Variants in ODF2L observed in about 807,000 individuals in gnomAD.
The protein encoded by ODF2L is outer dense fiber of sperm tails 2 like.
Under a neutral mutation model 86.3 loss-of-function variants are expected in ODF2L, and 76 were observed. The ratio of observed to expected loss-of-function variants is 0.88; its 90% CI spans 0.73 to 1.07. The LOEUF is 1.07. Among genes scored for constraint, ODF2L ranks in the 50% least tolerant of loss-of-function variants. ODF2L has a pLI of 0.00. For missense variants in ODF2L, 748 were observed against 717.4 expected, an observed-to-expected ratio of 1.04 and a Z score of -0.49; for synonymous variants, 241 against 231.3, an observed-to-expected ratio of 1.04 and a Z score of -0.38.
downstream of ODF2L, chr1:86,349,879 G>T (rs1658008592): frequency 6.6e-6 from 1 of 152,650 alleles, no homozygotes; most frequent in Admixed American, 6.5e-5. Context: ...GCAGGGCACT[G>T]TGGGAGACAC....
At chr1:86,357,119 T>G (rs1288280210) in intron 13 of ODF2L, among the ~76,000 whole-genome samples, 1 of 152,206 alleles carries the variant, frequency 6.6e-6, no homozygotes. Context: ...TGCCTTTAAT[T>G]TGGCCATTAA....
At chr1:86,375,998 C>T (rs1008432552) in intron 8 of ODF2L, among the ~76,000 whole-genome samples, 2 of 151,986 alleles carry the variant, frequency 1.3e-5, no homozygotes, top group Admixed American at 6.6e-5. Flanking sequence ...GGGGGACACA[C>T]TTAATATTTC....
intron 8 of ODF2L, among the ~76,000 whole-genome samples, chr1:86,373,708 A>G (rs968648475): frequency 1.3e-5 from 2 of 151,978 alleles, no homozygotes; most frequent in African/African-American, 2.4e-5. Context: ...ACTATCCCCA[A>G]TTCCACAGCT....
At chr1:86,355,419 A>T (rs1174795875) in intron 14 of ODF2L, 1 of 1,362,968 alleles carries the variant, frequency 7.3e-7, no homozygotes, top group Non-Finnish European at 1.0e-6. Context: ...TGATTCAAGG[A>T]AAAAATTTTT....
Position 86,372,641 on chromosome 1 carries a change from C to T in ODF2L, c.811-101G>A, listed in dbSNP as rs1659877991. 5.1e-6 allele frequency: 3 copies of T among 592,640 alleles called. No individual in the cohort carries two copies. The South Asian group carries it at 9.5e-5, about 19-fold the overall frequency. 36.7% of individuals were successfully genotyped at this position (592,640 alleles called of 1,614,324 possible). ...CATTATAAACAGGGAAGCAATCTTC[C>T]AAAAAGTATGGAACTTCAAATATAG... On this transcript the variant is annotated intron_variant, in intron 8 of 17. Transcript: ENST00000317336.
intron 16 of ODF2L, 62 bp from the exon 16 acceptor site, chr1:86,353,046 G>A: frequency 1.9e-6 from 2 of 1,060,744 alleles, no homozygotes; most frequent in South Asian, 2.8e-5. Context: ...TTAAAGCCTT[G>A]ACAGTTATAT....
intron 7 of ODF2L, among the ~76,000 whole-genome samples, chr1:86,380,512 C>A (rs1660506690): frequency 1.3e-5 from 2 of 152,120 alleles, no homozygotes; most frequent in South Asian, 4.1e-4. Context: ...TAAAAAACTT[C>A]TAAACATAGA....
intron 1 of ODF2L, among the ~76,000 whole-genome samples, chr1:86,395,698 G>C (rs529728881): frequency 6.6e-6 from 1 of 152,274 alleles, no homozygotes; most frequent in Admixed American, 6.5e-5. Flanking sequence ...CAATGATTAA[G>C]AGGTCACTAT....
intron 12 of ODF2L, among the ~76,000 whole-genome samples, chr1:86,359,798 G>A (rs939353058): frequency 5.9e-5 from 9 of 152,036 alleles, no homozygotes; most frequent in Admixed American, 4.6e-4. Context: ...GATTACAGGT[G>A]TACGCCACTA....
At chr1:86,388,677 G>A (rs929193649) in intron 1 of ODF2L, among the ~76,000 whole-genome samples, 1 of 151,908 alleles carries the variant, frequency 6.6e-6, no homozygotes, top group African/African-American at 2.4e-5. Flanking sequence ...TAAGAAGATA[G>A]AAATTTTCAA....
intron 14 of ODF2L, chr1:86,355,933 A>T: frequency 6.0e-6 from 1 of 167,760 alleles, no homozygotes; most frequent in South Asian, 1.4e-4. Context: ...AAAAATATTG[A>T]GTGCTTACTA....
At position 86,354,614 on chromosome 1, in the gene ODF2L, G is replaced by A. The variant is rs749017225; in HGVS notation, c.1683C>T (p.Ser561=). Residue 561 remains serine (S), a synonymous_variant, in exon 16 of 18, where the codon AGC becomes AGT. Coordinates refer to ENST00000317336, the Ensembl canonical transcript of ODF2L. ...CAGATTTCTCTTTAAACTTAAGATT[G>A]CTGTGCTTAAGACATTCTTCTTGGT... The A allele has an allele frequency of 9.3e-6, 15 of 1,607,192 alleles. 1 individual carries two copies. The Middle Eastern group carries it at 1.3e-3, about 142-fold the overall frequency.
intron 8 of ODF2L, among the ~76,000 whole-genome samples, chr1:86,373,658 A>G (rs899805474): frequency 2.6e-5 from 4 of 152,086 alleles, no homozygotes; most frequent in Admixed American, 1.3e-4. Context: ...TAACAAACAC[A>G]TAAGCATCAG....
intron 8 of ODF2L, chr1:86,374,839 T>G (rs1660060029): frequency 6.6e-6 from 1 of 151,926 alleles, no homozygotes. Flanking sequence ...GTGATAACAT[T>G]TTGTTAAACT....
chr1:86,383,505 C>A (rs925906507), intron 4 of ODF2L, among the ~76,000 whole-genome samples: 2 of 151,618 alleles, frequency 1.3e-5, no homozygotes, highest in Non-Finnish European at 3.0e-5. Flanking sequence ...GTATAGAATG[C>A]AACACAGTGC....
At chr1:86,353,598 G>A (rs201029928) in intron 16 of ODF2L, among the ~76,000 whole-genome samples, 1 of 152,134 alleles carries the variant, frequency 6.6e-6, no homozygotes, top group East Asian at 1.9e-4. Context: ...TGCTGGGTTG[G>A]AGCCACAAGA....
Position 86,374,175 on chromosome 1 carries a change from C to T in ODF2L, c.811-1635G>A, listed in dbSNP as rs928172577. On this transcript the variant is annotated intron_variant, in intron 8 of 17. Transcript: ENST00000317336. ...GCAAGTATTTACTGAGCATGTATTA[C>T]GTGCAAGACTTTTTTGTTTAAATTT... is the stretch of plus-strand genomic sequence containing the variant. Among the ~76,000 whole-genome samples the T allele has an allele frequency of 3.9e-5, 6 of 152,182 alleles. No homozygotes were observed. The East Asian group carries it at 7.7e-4, about 20-fold the overall frequency.
intron 10 of ODF2L, among the ~76,000 whole-genome samples, chr1:86,369,061 C>T (rs1659631363): frequency 6.6e-6 from 1 of 151,990 alleles, no homozygotes; most frequent in African/African-American, 2.4e-5. Context: ...TCTATAGTTT[C>T]CAGTTTTACT....
downstream of ODF2L, chr1:86,350,047 A>G (rs1187391388): frequency 6.3e-6 from 3 of 476,732 alleles, no homozygotes; most frequent in Non-Finnish European, 8.2e-6. Context: ...CTATGCTTAG[A>G]ATTCTAGAAT....
Sources: gnomAD v4.1 joint callset for allele counts (sites outside exome capture counted in the v4.1 genomes callset) on GRCh38, gnomAD v4.1.1 for gene constraint, MANE v1.5 for transcripts, NCBI Gene and HGNC (gene_info 2026-07-23, HGNC 2026-07-21) for gene names.